XKR9: variants seen among roughly 807,000 people sequenced by gnomAD.
XKR9 encodes the protein XK related 9.
Under a neutral mutation model 32.0 loss-of-function variants are expected in XKR9, and 32 were observed. That is an observed-to-expected ratio of 1.00 (90% CI 0.76 to 1.34). The LOEUF (loss-of-function observed/expected upper bound fraction) is 1.34. Among genes scored for constraint, XKR9 ranks in the 40% most tolerant of loss-of-function variants. The pLI, the probability that XKR9 is intolerant of heterozygous loss-of-function variation, is 0.00. For missense variants in XKR9, 546 were observed against 429.7 expected (o/e 1.27, Z -2.39); for synonymous variants, 168 against 143.4 (o/e 1.17, Z -1.22).
At position 70,761,934 on chromosome 8, in the gene XKR9, G is replaced by A. The variant is rs187698739; in HGVS notation, n.353-27405G>A. Among the ~76,000 whole-genome samples the A allele has an allele frequency of 2.1e-3, 323 of 151,964 alleles. 5 individuals carry two copies. Among genetic ancestry groups the A allele is most frequent in the Non-Finnish European group, 4.3e-4 (29 of 67,954 alleles). On this transcript the variant is annotated intron_variant and non_coding_transcript_variant, in intron 2 of 3. Transcript: ENST00000520273. ...TGCATATGGCTAGCCAGTTCTCCCA[G>A]CACCATTTATTAAATAGGGAATCCT...
At chr8:70,712,489 G>A (rs1411724549) in intron 4 of XKR9, among the ~76,000 whole-genome samples, 1 of 151,998 alleles carries the variant, frequency 6.6e-6, no homozygotes, top group East Asian at 1.9e-4. Context: ...CACAACCTTG[G>A]TGAGGAACCT....
chr8:70,985,136 T>G, the XKR9 span, among the ~76,000 whole-genome samples: 1 of 152,242 alleles, frequency 6.6e-6, no homozygotes, highest in South Asian at 2.1e-4. Flanking sequence ...GAAAACATTT[T>G]AATATGTTTG....
At position 70,681,250 on chromosome 8, in the gene XKR9, G is replaced by C; in HGVS notation, c.192G>C (p.Lys64Asn). ...VAQCFSYSWF[K>N]ADLKKAGQES... Reference sequence around the variant, plus strand: ...AGTGTTTTAGTTATTCTTGGTTCAAGGCTGATTTAAAGAAAGCAGGCCAAG... The same window carrying C: ...AGTGTTTTAGTTATTCTTGGTTCAACGCTGATTTAAAGAAAGCAGGCCAAG... The change falls in exon 3 of 5, where the codon AAG (lysine) becomes AAC (asparagine). Residue 64 changes from lysine (K) to asparagine (N), a missense_variant. By Grantham distance (94) the Lys-to-Asn change is moderately conservative. Coordinates refer to ENST00000408926, the MANE Select transcript of XKR9 (RefSeq NM_001011720.2). 6.2e-7 allele frequency: 1 copy of C among 1,613,420 alleles called. No homozygotes were observed. Among genetic ancestry groups the C allele is most frequent in the Non-Finnish European group, 8.5e-7 (1 of 1,179,604 alleles).
the XKR9 span, among the ~76,000 whole-genome samples, chr8:70,916,309 G>C: frequency 2.0e-5 from 3 of 152,086 alleles, no homozygotes; most frequent in Non-Finnish European, 2.9e-5. Flanking sequence ...ATTTATCTTT[G>C]TCCGTTGATT....
the XKR9 span, among the ~76,000 whole-genome samples, chr8:71,021,179 C>G: frequency 6.6e-6 from 1 of 152,190 alleles, no homozygotes; most frequent in Admixed American, 6.5e-5. Flanking sequence ...CACCACTCCC[C>G]TTCCAGAGAG....
At chr8:70,792,683 T>C (rs1342157317), downstream of XKR9, among the ~76,000 whole-genome samples, 1 of 151,990 alleles carries the variant, frequency 6.6e-6, no homozygotes, top group African/African-American at 2.4e-5. Flanking sequence ...GAAGAAATGA[T>C]AGAAGGTTTC....
At chr8:70,899,435 T>G in the XKR9 span, among the ~76,000 whole-genome samples, 7 of 151,982 alleles carry the variant, frequency 4.6e-5, no homozygotes, top group East Asian at 1.9e-4. Context: ...AGACAGTTTT[T>G]TTTTTTTTTT....
chr8:70,841,394 C>T, the XKR9 span, among the ~76,000 whole-genome samples: 1 of 152,260 alleles, frequency 6.6e-6, no homozygotes, highest in East Asian at 1.9e-4. Context: ...ATTTCATAAT[C>T]TACTTGAGAT....
At chr8:70,911,479 C>G in the XKR9 span, among the ~76,000 whole-genome samples, 5 of 152,226 alleles carry the variant, frequency 3.3e-5, 1 homozygote, top group South Asian at 1.0e-3. Context: ...AATACTAGTT[C>G]TCAGTGCTGA....
At chr8:70,957,783 CTTTTTT>C in the XKR9 span, among the ~76,000 whole-genome samples, 14 of 84,808 alleles carry the variant, frequency 1.7e-4, no homozygotes, top group African/African-American at 4.7e-4. Flanking sequence ...TTCAGTCTAT[CTTTTTT>C]TTTTTTTTTT....
At chr8:70,682,664 A>G (rs1005380911) in intron 3 of XKR9, among the ~76,000 whole-genome samples, 13 of 122,854 alleles carry the variant, frequency 1.1e-4, no homozygotes, top group Non-Finnish European at 2.2e-4. Flanking sequence ...TGTAGTTTCT[A>G]GGGAACTTGA....
Position 70,734,578 on chromosome 8 carries a change from A to C in XKR9, c.*154A>C, listed in dbSNP as rs1043386956. 2.1e-5 allele frequency: 22 copies of C among 1,039,484 alleles called. No individual in the cohort carries two copies. Among genetic ancestry groups the C allele is most frequent in the Middle Eastern group, 3.6e-4 (1 of 2,782 alleles). The allele number at this position is 1,039,484 out of a possible 1,614,324, so 64.4% of individuals were successfully genotyped here. Reference sequence around the variant, plus strand: ...AGATACATAGTAGTATTTTATTTTTAAAATTAATTTCTCATTTGGTTTTGA... The same window carrying C: ...AGATACATAGTAGTATTTTATTTTTCAAATTAATTTCTCATTTGGTTTTGA... On this transcript the variant is annotated 3_prime_UTR_variant, in exon 5 of 5. Coordinates refer to ENST00000408926, the MANE Select transcript of XKR9 (RefSeq NM_001011720.2).
the XKR9 span, among the ~76,000 whole-genome samples, chr8:71,037,830 C>T: frequency 3.3e-5 from 5 of 152,208 alleles, no homozygotes; most frequent in Non-Finnish European, 4.4e-5. Flanking sequence ...ACAAAGCAAC[C>T]GGATAACAAA....
chr8:71,000,298 G>A, the XKR9 span, among the ~76,000 whole-genome samples: 1 of 152,018 alleles, frequency 6.6e-6, no homozygotes, highest in East Asian at 1.9e-4. Flanking sequence ...ATCTGAGTGG[G>A]GACAAGACAT....
At chr8:70,831,677 A>G in the XKR9 span, among the ~76,000 whole-genome samples, 1 of 152,096 alleles carries the variant, frequency 6.6e-6, no homozygotes, top group African/African-American at 2.4e-5. Context: ...TTTTTATGAA[A>G]CTTATATTCA....
intron 2 of XKR9, among the ~76,000 whole-genome samples, chr8:70,771,052 G>C (rs1332227755): frequency 6.6e-6 from 1 of 152,188 alleles, no homozygotes; most frequent in Non-Finnish European, 1.5e-5. Flanking sequence ...GTAGGCACCT[G>C]AGGGAATCTC....
At chr8:70,672,242 A>T (rs1212500372) in intron 1 of XKR9, among the ~76,000 whole-genome samples, 1 of 78,198 alleles carries the variant, frequency 1.3e-5, no homozygotes, top group Non-Finnish European at 3.3e-5. Flanking sequence ...ATGGAACCAA[A>T]AAAGAGCCCG....
the XKR9 span, among the ~76,000 whole-genome samples, chr8:70,838,568 A>T: frequency 1.3e-5 from 2 of 152,008 alleles, no homozygotes; most frequent in African/African-American, 4.8e-5. Context: ...AAATGAGAAA[A>T]CTGAGGCTCA....
At chr8:70,926,578 C>T in the XKR9 span, among the ~76,000 whole-genome samples, 567 of 152,184 alleles carry the variant, frequency 3.7e-3, 3 homozygotes, top group Middle Eastern at 0.037. Context: ...TGTATTTGAT[C>T]TGATTCACTT....
Sources: allele counts gnomAD v4.1 joint callset (sites outside exome capture counted in the v4.1 genomes callset), GRCh38; gene constraint gnomAD v4.1.1; transcripts MANE v1.5; gene names NCBI Gene and HGNC (gene_info 2026-07-23, HGNC 2026-07-21).